The following CDH12 variants were observed in gnomAD, a reference collection of about 807,000 sequenced individuals.
The protein encoded by CDH12 is cadherin-12.
A neutral mutation model predicts 74.1 loss-of-function variants in CDH12; 41 were observed. The observed-to-expected ratio is 0.55, with a 90% CI of 0.43 to 0.72. The LOEUF is 0.72. Among genes scored for constraint, CDH12 ranks in the 30% least tolerant of loss-of-function variants. The probability of loss-of-function intolerance (pLI) is 0.00; values close to 1 mark genes in which losing one functional copy is unlikely to be tolerated. For synonymous variants in CDH12, 399 were observed against 355.0 expected (o/e 1.12, Z -1.39); for missense variants, 945 against 977.2 (o/e 0.97, Z 0.44).
chr5:22,754,295 A>C (rs532470766), intron 1 of CDH12, among the ~76,000 whole-genome samples: 1 of 152,314 alleles, frequency 6.6e-6, no homozygotes, highest in Admixed American at 6.5e-5. Context: ...ACAAAAACGA[A>C]AACAAAAAAT....
intron 1 of CDH12, among the ~76,000 whole-genome samples, chr5:22,559,834 A>T (rs968932841): frequency 6.6e-6 from 1 of 152,170 alleles, no homozygotes; most frequent in Non-Finnish European, 1.5e-5. Flanking sequence ...TATTTAGGTT[A>T]TGAATTAAAG....
At chr5:22,436,181 A>G (rs1341955169) in intron 2 of CDH12, among the ~76,000 whole-genome samples, 1 of 149,410 alleles carries the variant, frequency 6.7e-6, no homozygotes, top group Non-Finnish European at 1.5e-5. Flanking sequence ...AAAAAACCAA[A>G]CACCACATGT....
intron 4 of CDH12, among the ~76,000 whole-genome samples, chr5:22,117,924 G>C (rs953461148): frequency 5.3e-5 from 8 of 151,922 alleles, no homozygotes; most frequent in African/African-American, 1.9e-4. Flanking sequence ...ATAAGATTAA[G>C]TGCTATCATT....
intron 4 of CDH12, among the ~76,000 whole-genome samples, chr5:22,191,849 C>T (rs1049296606): frequency 6.6e-6 from 1 of 151,650 alleles, no homozygotes; most frequent in South Asian, 2.1e-4. Flanking sequence ...CAGGCGTGAG[C>T]CACCGCGCCC....
At chr5:21,868,662 T>C (rs1207476199) in intron 6 of CDH12, among the ~76,000 whole-genome samples, 1 of 152,160 alleles carries the variant, frequency 6.6e-6, no homozygotes, top group Non-Finnish European at 1.5e-5. Flanking sequence ...TATAGGAATG[T>C]CTATGCTATG....
intron 1 of CDH12, among the ~76,000 whole-genome samples, chr5:22,601,262 G>T (rs1025654460): frequency 6.6e-6 from 1 of 152,092 alleles, no homozygotes; most frequent in Admixed American, 6.6e-5. Context: ...TTGTGGTACA[G>T]ATTATTTTGT....
chr5:21,916,933 T>C (rs1427210738), intron 6 of CDH12, among the ~76,000 whole-genome samples: 1 of 152,162 alleles, frequency 6.6e-6, no homozygotes, highest in East Asian at 1.9e-4. Flanking sequence ...TAAAATCTCT[T>C]GAAAACAGCT....
At chr5:22,174,098 A>G (rs1749200239) in intron 4 of CDH12, among the ~76,000 whole-genome samples, 1 of 152,022 alleles carries the variant, frequency 6.6e-6, no homozygotes, top group Non-Finnish European at 1.5e-5. Context: ...AAGTAAGTAG[A>G]TCAATAATTG....
intron 1 of CDH12, among the ~76,000 whole-genome samples, chr5:22,783,447 T>C (rs1393511168): frequency 6.6e-6 from 1 of 152,134 alleles, no homozygotes; most frequent in Non-Finnish European, 1.5e-5. Flanking sequence ...TAGACTTTGT[T>C]AAAATCAGAT....
chr5:22,741,054 T>C (rs768464483), intron 1 of CDH12, among the ~76,000 whole-genome samples: 8 of 152,154 alleles, frequency 5.3e-5, no homozygotes, highest in Non-Finnish European at 8.8e-5. Flanking sequence ...ATTTAGAAAA[T>C]GATTCACACT....
intron 1 of CDH12, among the ~76,000 whole-genome samples, chr5:22,587,487 C>T (rs982694617): frequency 2.0e-5 from 3 of 152,150 alleles, no homozygotes; most frequent in African/African-American, 7.2e-5. Context: ...CAAGGGCTAG[C>T]TGTGTCACTC....
At chr5:22,127,055 G>T (rs2150282732) in intron 4 of CDH12, among the ~76,000 whole-genome samples, 1 of 152,290 alleles carries the variant, frequency 6.6e-6, no homozygotes, top group East Asian at 1.9e-4. Context: ...TATGTGTGGG[G>T]TGGATTGTGG....
At chr5:22,042,306 G>A (rs1384612412) in intron 5 of CDH12, among the ~76,000 whole-genome samples, 1 of 151,832 alleles carries the variant, frequency 6.6e-6, no homozygotes, top group Non-Finnish European at 1.5e-5. Context: ...GAATAATAAA[G>A]ATCAGGGCAG....
At chr5:22,782,361 C>T (rs147839685) in intron 1 of CDH12, among the ~76,000 whole-genome samples, 109 of 152,154 alleles carry the variant, frequency 7.2e-4, no homozygotes, top group African/African-American at 2.3e-3. Flanking sequence ...TGGTTTCCCC[C>T]GTGCTGTTCT....
rs181323642 is a variant in CDH12 at position 21,858,010 on chromosome 5, C to T, written c.527-3220G>A. The stretch of plus-strand genomic sequence containing the variant: ...GAGAGACAGAGAGAGGATCTCCTCT[C>T]TGTTGTATCTCCCTTTTTTTTTTAA... On this transcript the variant is annotated intron_variant, in intron 6 of 14. Coordinates refer to ENST00000382254, the MANE Select transcript of CDH12 (RefSeq NM_004061.5). Among the ~76,000 whole-genome samples, 216 of 145,304 alleles carry T rather than the reference C, an allele frequency of 1.5e-3. 1 individual carries two copies. In the South Asian group the frequency reaches 0.017, roughly 11 times the overall value.
At chr5:22,497,235 T>C (rs34184932) in intron 2 of CDH12, among the ~76,000 whole-genome samples, 59,250 of 152,002 alleles carry the variant, frequency 0.39, 11,896 homozygotes, top group Non-Finnish European at 0.44. Context: ...GAATTTTGTA[T>C]GAATATATCA....
At chr5:22,244,794 A>AAGAAAGAC (rs1182153110) in intron 3 of CDH12, among the ~76,000 whole-genome samples, 1 of 68,824 alleles carries the variant, frequency 1.5e-5, no homozygotes, top group African/African-American at 3.7e-5. Flanking sequence ...GAAAGAAAGA[A>AAGAAAGAC]AGAAAGAAAA....
intron 6 of CDH12, among the ~76,000 whole-genome samples, chr5:21,950,758 T>TTATTATTATTAG: frequency 2.2e-4 from 1 of 4,446 alleles, no homozygotes. Context: ...AAATTTTATT[T>TTATTATTATTAG]TATTATTATT....
At chr5:22,321,776 A>G (rs1738895193) in intron 3 of CDH12, among the ~76,000 whole-genome samples, 1 of 152,186 alleles carries the variant, frequency 6.6e-6, no homozygotes, top group South Asian at 2.1e-4. Flanking sequence ...ATCTTAGTGC[A>G]GACCTTTTAT....
Sources: allele counts gnomAD v4.1 joint callset (sites outside exome capture counted in the v4.1 genomes callset), GRCh38; gene constraint gnomAD v4.1.1; transcripts MANE v1.5; gene names NCBI Gene and HGNC (gene_info 2026-07-23, HGNC 2026-07-21).